The following NCKAP5 variants were observed in gnomAD, a reference collection of about 807,000 sequenced individuals.
NCKAP5 encodes nck-associated protein 5.
A neutral mutation model predicts 167.0 loss-of-function variants in NCKAP5; 92 were observed. The ratio of observed to expected loss-of-function variants is 0.55; its 90% confidence interval spans 0.47 to 0.66. The LOEUF is 0.66. NCKAP5 is among the 30% of genes least tolerant of loss of function. The pLI, the probability that NCKAP5 is intolerant of heterozygous loss-of-function variation, is 0.00. For missense variants in NCKAP5, 2,378 were observed against 2,315.0 expected, an observed-to-expected ratio of 1.03 and a Z score of -0.56; for synonymous variants, 891 against 877.4, an observed-to-expected ratio of 1.02 and a Z score of -0.27.
At chr2:132,795,740 A>C (rs1471158641) in intron 12 of NCKAP5, among the ~76,000 whole-genome samples, 2 of 149,480 alleles carry the variant, frequency 1.3e-5, no homozygotes, top group South Asian at 4.3e-4. Context: ...AGTCATTTGA[A>C]CCCAGGAGGT....
chr2:133,025,214 A>T (rs1367977948), intron 6 of NCKAP5, among the ~76,000 whole-genome samples: 1 of 152,374 alleles, frequency 6.6e-6, no homozygotes, highest in East Asian at 1.9e-4. Context: ...ACTAGGCAAC[A>T]ATCCAAAACT....
intron 3 of NCKAP5, among the ~76,000 whole-genome samples, chr2:133,321,328 A>AC (rs895414350): frequency 2.6e-5 from 4 of 152,122 alleles, no homozygotes; most frequent in African/African-American, 9.7e-5. Flanking sequence ...CTTGCTTTAT[A>AC]CCTACTCCAC....
intron 3 of NCKAP5, among the ~76,000 whole-genome samples, chr2:133,471,846 C>G (rs1475767341): frequency 6.6e-6 from 1 of 152,198 alleles, no homozygotes; most frequent in East Asian, 1.9e-4. Flanking sequence ...GCAAGCCATC[C>G]CTACCTCACT....
At chr2:133,386,567 C>T (rs1194825176) in intron 3 of NCKAP5, among the ~76,000 whole-genome samples, 2 of 152,128 alleles carry the variant, frequency 1.3e-5, no homozygotes, top group Non-Finnish European at 2.9e-5. Context: ...GTTAGGTCTG[C>T]TTGGTGCAGA....
At chr2:133,419,917 T>A (rs1309753818) in intron 3 of NCKAP5, among the ~76,000 whole-genome samples, 1 of 152,208 alleles carries the variant, frequency 6.6e-6, no homozygotes, top group African/African-American at 2.4e-5. Context: ...TTCAAGAGAC[T>A]GGTTTATTTT....
chr2:132,757,239 T>C (rs1680626788), intron 16 of NCKAP5, among the ~76,000 whole-genome samples: 1 of 152,204 alleles, frequency 6.6e-6, no homozygotes, highest in African/African-American at 2.4e-5. Flanking sequence ...GATTGCTAAA[T>C]GACTCTTCTC....
chr2:133,430,497 T>C (rs1162558529), intron 3 of NCKAP5, among the ~76,000 whole-genome samples: 2 of 152,188 alleles, frequency 1.3e-5, no homozygotes, highest in East Asian at 1.9e-4. Flanking sequence ...GGCATTTTTA[T>C]AATTTGCGGT....
chr2:133,470,397 A>G (rs1377606446), intron 3 of NCKAP5, among the ~76,000 whole-genome samples: 3 of 152,278 alleles, frequency 2.0e-5, no homozygotes, highest in Non-Finnish European at 4.4e-5. Flanking sequence ...TGCTGGGAGA[A>G]CCACTGCTCT....
chr2:132,863,436 T>A (rs1690093128), intron 10 of NCKAP5, among the ~76,000 whole-genome samples: 1 of 137,318 alleles, frequency 7.3e-6, no homozygotes, highest in Non-Finnish European at 1.5e-5. Context: ...TTGAAAGAGT[T>A]CTTCAGATGG....
intron 16 of NCKAP5, among the ~76,000 whole-genome samples, chr2:132,770,456 TATA>T (rs1681937166): frequency 6.7e-6 from 1 of 148,372 alleles, no homozygotes; most frequent in South Asian, 2.1e-4. Flanking sequence ...ATATACTATA[TATA>T]ATATTATAAC....
chr2:133,403,918 G>T lies in NCKAP5; in HGVS notation c.70-100808C>A, dbSNP rs545121690. On this transcript the variant is annotated intron_variant, in intron 3 of 19. Transcript: ENST00000409261. Reference sequence around the variant, plus strand: ...GTGTGTGTGTGTGTGTGTGTGTGTAGGTGAGTTTTCACCAGTCATACCTGA... The same window carrying T: ...GTGTGTGTGTGTGTGTGTGTGTGTATGTGAGTTTTCACCAGTCATACCTGA... 1.5e-4 allele frequency among the ~76,000 whole-genome samples: 21 copies of T among 141,772 alleles called. 1 individual carries two copies. In the South Asian group the frequency reaches 4.5e-3, roughly 31 times the overall value. 93.0% of individuals were successfully genotyped at this position (141,772 alleles called of 152,430 possible). A position where few individuals can be genotyped will look rare whatever the true frequency, so the allele number is the denominator to read the frequency against.
At chr2:133,218,239 T>C (rs945363901) in intron 4 of NCKAP5, among the ~76,000 whole-genome samples, 12 of 152,138 alleles carry the variant, frequency 7.9e-5, no homozygotes, top group African/African-American at 2.7e-4. Flanking sequence ...TCCTAAACAG[T>C]AATTCCAAAA....
chr2:133,667,748 G>C, the NCKAP5 span, among the ~76,000 whole-genome samples: 1 of 151,936 alleles, frequency 6.6e-6, no homozygotes, highest in Admixed American at 6.5e-5. Context: ...CAATTAACTA[G>C]TTTCCTTCAA....
At chr2:133,478,232 C>G (rs1393451149) in intron 3 of NCKAP5, among the ~76,000 whole-genome samples, 1 of 152,200 alleles carries the variant, frequency 6.6e-6, no homozygotes, top group Non-Finnish European at 1.5e-5. Context: ...AAGTCCACTG[C>G]CCTTTACTGA....
chr2:132,750,998 G>A (rs1680061360), intron 16 of NCKAP5, among the ~76,000 whole-genome samples: 1 of 152,182 alleles, frequency 6.6e-6, no homozygotes, highest in Non-Finnish European at 1.5e-5. Flanking sequence ...TAAATGTGCA[G>A]GGGAAGGAGA....
intron 4 of NCKAP5, among the ~76,000 whole-genome samples, chr2:133,226,299 T>C (rs1443069288): frequency 6.6e-6 from 1 of 152,094 alleles, no homozygotes; most frequent in Non-Finnish European, 1.5e-5. Flanking sequence ...ACAAATATTA[T>C]GTTGCTTACT....
At chr2:132,866,326 T>C (rs1434861147) in intron 10 of NCKAP5, among the ~76,000 whole-genome samples, 1 of 152,188 alleles carries the variant, frequency 6.6e-6, no homozygotes, top group East Asian at 1.9e-4. Flanking sequence ...ATAAAATATA[T>C]TTCAGATAAC....
intron 2 of NCKAP5, among the ~76,000 whole-genome samples, chr2:133,557,604 G>C (rs141052656): frequency 4.8e-4 from 73 of 152,312 alleles, no homozygotes; most frequent in African/African-American, 1.6e-3. Context: ...ACAAAACATA[G>C]AGGGAAAATC....
chr2:133,356,181 C>G (rs1436268721), intron 3 of NCKAP5, among the ~76,000 whole-genome samples: 3 of 152,144 alleles, frequency 2.0e-5, no homozygotes, highest in African/African-American at 7.2e-5. Context: ...ACCATCTCAG[C>G]CTCCCAAAGT....
Sources: gnomAD v4.1 joint callset for allele counts (sites outside exome capture counted in the v4.1 genomes callset) on GRCh38, gnomAD v4.1.1 for gene constraint, MANE v1.5 for transcripts, NCBI Gene and HGNC (gene_info 2026-07-23, HGNC 2026-07-21) for gene names.